Variants in RIMBP2 observed in about 807,000 individuals in gnomAD.
The protein encoded by RIMBP2 is RIMS-binding protein 2.
A neutral mutation model predicts 118.6 loss-of-function variants in RIMBP2; 48 were observed. That is an observed-to-expected ratio of 0.40 (90% CI 0.32 to 0.51). The LOEUF (loss-of-function observed/expected upper bound fraction) is 0.51. Among genes scored for constraint, RIMBP2 ranks in the 20% least tolerant of loss-of-function variants. RIMBP2 has a pLI of 0.41. For synonymous variants in RIMBP2, 762 were observed against 742.9 expected (o/e 1.03, Z -0.42); for missense variants, 1,551 against 1,768.3 (o/e 0.88, Z 2.20).
At chr12:130,489,249 C>T (rs976299730) in intron 4 of RIMBP2, among the ~76,000 whole-genome samples, 8 of 152,156 alleles carry the variant, frequency 5.3e-5, no homozygotes, top group African/African-American at 1.7e-4. Flanking sequence ...CAATACGCAT[C>T]GGATAGAATG....
At chr12:130,468,964 C>T (rs1226978971) in intron 6 of RIMBP2, 1 of 152,172 alleles carries the variant, frequency 6.6e-6, no homozygotes, top group African/African-American at 2.4e-5. Flanking sequence ...GCTTGTGGAG[C>T]TCCTCGGAGC....
In RIMBP2 at chr12:130,525,929, A is replaced by G. The variant is rs1477310027; in HGVS notation, c.-216-8012T>C. 2.0e-5 allele frequency among the ~76,000 whole-genome samples: 3 copies of G among 152,046 alleles called. No individual in the cohort carries two copies. The highest frequency in any genetic ancestry group is 4.4e-5 in the Non-Finnish European group (3 of 68,008). On this transcript the variant is annotated intron_variant, in intron 2 of 22. Coordinates refer to ENST00000690449, the MANE Select transcript of RIMBP2 (RefSeq NM_001393629.1). The surrounding 1 kb of genome is among the most constrained non-coding windows in gnomAD (Gnocchi z 4.4). ...GTAACTGAGCGAGCAGCCTCCCCCG[A>G]GCATGTGGAGGGGTGGGACTCAAGC...
At chr12:130,677,240 T>C (rs568985538) in intron 1 of RIMBP2, among the ~76,000 whole-genome samples, 1 of 152,240 alleles carries the variant, frequency 6.6e-6, no homozygotes, top group Non-Finnish European at 1.5e-5. Context: ...GATGATTATG[T>C]CAACCACAAA....
At chr12:130,543,179 G>T (rs1593729485) in intron 2 of RIMBP2, among the ~76,000 whole-genome samples, 1 of 152,288 alleles carries the variant, frequency 6.6e-6, no homozygotes, top group African/African-American at 2.4e-5. Context: ...CAGTGTACTT[G>T]AATGGCATTT....
At chr12:130,432,136 G>A in intron 14 of RIMBP2, 1 of 436,286 alleles carries the variant, frequency 2.3e-6, no homozygotes, top group South Asian at 1.6e-5. Context: ...CTCCGGGTTT[G>A]TAATCTGAGC....
intron 2 of RIMBP2, among the ~76,000 whole-genome samples, chr12:130,612,643 G>A (rs1187089015): frequency 6.6e-6 from 1 of 152,152 alleles, no homozygotes; most frequent in Non-Finnish European, 1.5e-5. Flanking sequence ...AGACTTCAGA[G>A]GAAACAGTGT....
intron 4 of RIMBP2, among the ~76,000 whole-genome samples, chr12:130,486,834 C>G (rs2082534458): frequency 6.6e-6 from 1 of 152,054 alleles, no homozygotes; most frequent in Admixed American, 6.5e-5. Context: ...TAGACTACGG[C>G]AGAAGAGCCC....
intron 2 of RIMBP2, among the ~76,000 whole-genome samples, chr12:130,597,626 T>C (rs2059635137): frequency 6.6e-6 from 1 of 152,230 alleles, no homozygotes; most frequent in Non-Finnish European, 1.5e-5. Flanking sequence ...TGTCATTCAT[T>C]ATACAAAGAA....
At chr12:130,563,928 C>G (rs920086026) in intron 2 of RIMBP2, among the ~76,000 whole-genome samples, 1 of 151,006 alleles carries the variant, frequency 6.6e-6, no homozygotes, top group Non-Finnish European at 1.5e-5. Flanking sequence ...CTGGGCTCTA[C>G]ATAACCTGGC....
At chr12:130,408,610 A>T (rs2075402501) in intron 19 of RIMBP2, among the ~76,000 whole-genome samples, 1 of 151,862 alleles carries the variant, frequency 6.6e-6, no homozygotes, top group African/African-American at 2.4e-5. Context: ...ACAGGTGAAC[A>T]CTCTCAGGAC....
intron 1 of RIMBP2, among the ~76,000 whole-genome samples, chr12:130,680,684 GT>G (rs1180720066): frequency 6.6e-6 from 1 of 152,230 alleles, no homozygotes; most frequent in Non-Finnish European, 1.5e-5. Flanking sequence ...CAACTGGGGA[GT>G]GGCCAGGGCT....
chr12:130,650,973 A>AAAG lies in RIMBP2; in HGVS notation c.-351-22518_-351-22517insCTT, dbSNP rs1555318467. Among the ~76,000 whole-genome samples, 1,344 of 143,244 alleles carry AAAG rather than the reference A, an allele frequency of 9.4e-3. 12 individuals carry two copies. The highest frequency in any genetic ancestry group is 0.055 in the South Asian group (249 of 4,562). The allele number at this position is 143,244 out of a possible 152,430, so 94.0% of individuals were successfully genotyped here. A position where few individuals can be genotyped will look rare whatever the true frequency, so the allele number is the denominator to read the frequency against. On this transcript the variant is annotated intron_variant, in intron 1 of 22. Coordinates refer to ENST00000690449, the MANE Select transcript of RIMBP2 (RefSeq NM_001393629.1). ...TTGTTTTTTTTAAAAAAAAAAAAAA[A>AAAG]AAAGAAAGAAAAGAAAAGAAACTGC...
At chr12:130,506,876 A>ATCCT (rs1674589675) in intron 3 of RIMBP2, 106 bp from the exon 4 acceptor site, 1 of 831,096 alleles carries the variant, frequency 1.2e-6, no homozygotes, top group Non-Finnish European at 1.5e-6. Context: ...CTCCTAGAGA[A>ATCCT]TCCTTCCCTC....
chr12:130,438,335 A>ACGGGGGCCCCCCCCCCCC, intron 12 of RIMBP2, 30 bp downstream of exon 12: 1 of 865,012 alleles, frequency 1.2e-6, no homozygotes, highest in Non-Finnish European at 1.9e-6. Context: ...GGCCTAACAA[A>ACGGGGGCCCCCCCCCCCC]CCCTCCCCAC....
At chr12:130,648,354 GGAC>G (rs1398304788) in intron 1 of RIMBP2, among the ~76,000 whole-genome samples, 1 of 145,134 alleles carries the variant, frequency 6.9e-6, no homozygotes, top group Non-Finnish European at 1.6e-5. Context: ...ATAATGGACA[GGAC>G]TGAATCATCT....
chr12:130,646,676 A>G (rs1226112412), intron 1 of RIMBP2, among the ~76,000 whole-genome samples: 2 of 152,250 alleles, frequency 1.3e-5, no homozygotes, highest in African/African-American at 4.8e-5. Flanking sequence ...GAGAAGCCCT[A>G]TCTAAAACTT....
chr12:130,608,049 T>C (rs1327516750), intron 2 of RIMBP2, among the ~76,000 whole-genome samples: 4 of 152,192 alleles, frequency 2.6e-5, no homozygotes, highest in Non-Finnish European at 4.4e-5. Flanking sequence ...TTGATTTTTT[T>C]CCTTGATTCA....
chr12:130,550,488 G>T (rs892244593), intron 2 of RIMBP2, among the ~76,000 whole-genome samples: 1 of 152,202 alleles, frequency 6.6e-6, no homozygotes, highest in Admixed American at 6.5e-5. Flanking sequence ...TATATTGGGT[G>T]AATGTTGGTG....
intron 1 of RIMBP2, among the ~76,000 whole-genome samples, chr12:130,643,278 C>G: frequency 6.6e-6 from 1 of 152,236 alleles, no homozygotes; most frequent in East Asian, 1.9e-4. Context: ...CAGCAGCTCC[C>G]CACTCCCATT....
Sources: allele counts gnomAD v4.1 joint callset (sites outside exome capture counted in the v4.1 genomes callset), GRCh38; gene constraint gnomAD v4.1.1; non-coding constraint Gnocchi (gnomAD v3.1); transcripts MANE v1.5; gene names NCBI Gene and HGNC (gene_info 2026-07-23, HGNC 2026-07-21).